The following KALRN variants were observed in gnomAD, a reference collection of about 807,000 sequenced individuals.
KALRN encodes the protein kalirin RhoGEF kinase, also known as kalirin.
Under a neutral mutation model 353.7 loss-of-function variants are expected in KALRN, and 70 were observed. That is an observed-to-expected ratio of 0.20 (90% CI 0.16 to 0.24). The LOEUF (loss-of-function observed/expected upper bound fraction) is 0.24. Among genes scored for constraint, KALRN ranks in the 10% least tolerant of loss-of-function variants. The pLI is 1.00. For missense variants in KALRN, 2,791 were observed against 3,756.7 expected, an observed-to-expected ratio of 0.74 and a Z score of 6.72; for synonymous variants, 1,391 against 1,434.8, an observed-to-expected ratio of 0.97 and a Z score of 0.69.
chr3:124,342,050 G>C (rs888695136), intron 9 of KALRN, among the ~76,000 whole-genome samples: 2 of 152,048 alleles, frequency 1.3e-5, no homozygotes, highest in African/African-American at 4.8e-5. Flanking sequence ...CAGGTATAGG[G>C]GACTTAGTGT....
intron 7 of KALRN, among the ~76,000 whole-genome samples, chr3:124,327,992 T>C (rs2080096191): frequency 6.6e-6 from 1 of 152,224 alleles, no homozygotes; most frequent in African/African-American, 2.4e-5. Context: ...GTGCTAAAGA[T>C]ACAACACGAG....
chr3:124,712,794 A>G lies in KALRN; in HGVS notation c.8076-141A>G, dbSNP rs1378123685. 7.2e-6 allele frequency: 4 copies of G among 554,338 alleles called. No homozygotes were observed. In the South Asian group the frequency reaches 9.0e-5, roughly 13 times the overall value. 34.3% of individuals were successfully genotyped at this position (554,338 alleles called of 1,614,324 possible). On this transcript the variant is annotated intron_variant, in intron 57 of 59. Coordinates refer to ENST00000682506, the MANE Select transcript of KALRN (RefSeq NM_001388419.1). ...GAAGGAAAAATGGATTCTCTGAATA[A>G]CATTATAATTAAAAATATAGGAGAG... is the stretch of plus-strand genomic sequence containing the variant.
chr3:124,677,267 T>C (rs1339519355), intron 49 of KALRN: 1 of 182,614 alleles, frequency 5.5e-6, no homozygotes, highest in Non-Finnish European at 1.1e-5. Context: ...CACCTGAAAC[T>C]GATGATGCCT....
chr3:124,389,983 C>T (rs555549600), intron 11 of KALRN, among the ~76,000 whole-genome samples: 1 of 152,302 alleles, frequency 6.6e-6, no homozygotes, highest in East Asian at 1.9e-4. Flanking sequence ...CAAACATGTA[C>T]TTGGGACTTT....
chr3:124,114,057 A>T (rs1167744067), intron 1 of KALRN, among the ~76,000 whole-genome samples: 1 of 152,180 alleles, frequency 6.6e-6, no homozygotes, highest in Non-Finnish European at 1.5e-5. Context: ...GAAAGGTAAG[A>T]GAAAGGGTTA....
At chr3:124,135,220 T>A (rs1439980705) in intron 1 of KALRN, among the ~76,000 whole-genome samples, 1 of 152,152 alleles carries the variant, frequency 6.6e-6, no homozygotes, top group Non-Finnish European at 1.5e-5. Flanking sequence ...ATTAACAGCA[T>A]TTGCAATGAC....
At chr3:124,488,135 G>T in intron 28 of KALRN, 69 bp from the exon 29 acceptor site, 1 of 898,546 alleles carries the variant, frequency 1.1e-6, no homozygotes, top group Non-Finnish European at 1.8e-6. Context: ...TAATTTCCTT[G>T]CTGGGTTAGG....
At chr3:124,357,603 C>G (rs561943707) in intron 10 of KALRN, among the ~76,000 whole-genome samples, 4 of 152,314 alleles carry the variant, frequency 2.6e-5, no homozygotes, top group African/African-American at 9.6e-5. Flanking sequence ...AACTGACCAG[C>G]TCCTATCACC....
intron 34 of KALRN, among the ~76,000 whole-genome samples, chr3:124,580,385 A>G (rs2074512828): frequency 6.8e-6 from 1 of 147,874 alleles, no homozygotes; most frequent in African/African-American, 2.5e-5. Context: ...GGGAGGGGGG[A>G]CTCAGGCAGC....
At chr3:124,579,626 T>G (rs2149243048) in intron 34 of KALRN, among the ~76,000 whole-genome samples, 1 of 152,274 alleles carries the variant, frequency 6.6e-6, no homozygotes, top group South Asian at 2.1e-4. Context: ...CCTCTCTAGC[T>G]ATTCAAATGA....
chr3:124,677,895 T>C (rs1010245650), intron 49 of KALRN, among the ~76,000 whole-genome samples: 6 of 152,248 alleles, frequency 3.9e-5, no homozygotes, highest in Non-Finnish European at 7.3e-5. Context: ...ATCATGGGTA[T>C]GGTATACAAA....
chr3:124,656,555 G>A (rs1025388268), intron 39 of KALRN, among the ~76,000 whole-genome samples: 2 of 152,190 alleles, frequency 1.3e-5, no homozygotes, highest in Admixed American at 1.3e-4. Flanking sequence ...AGCTTGCAGT[G>A]AGCTGAGATC....
In KALRN at chr3:124,434,506, T is replaced by C. The variant is rs1456728329; in HGVS notation, c.3029T>C (p.Phe1010Ser). The change falls in exon 17 of 60, where the codon TTT (phenylalanine) becomes TCT (serine). Residue 1010 changes from phenylalanine to serine, a missense_variant. Phe to Ser is a radical substitution (Grantham distance 155). Around this residue, in one of 11 missense-constraint regions of KALRN, gnomAD observed 452 missense variants for 575.8 expected, o/e 0.78. Coordinates refer to ENST00000682506, the MANE Select transcript of KALRN (RefSeq NM_001388419.1). The stretch of plus-strand genomic sequence containing the variant: ...AAATTGGTCAATGCCTCTGTGGCCT[T>C]TTACAAAACTTCTGAACAGGTGAGG... ...RLKLVNASVA[F>S]YKTSEQVCSV... The C allele has an allele frequency of 6.2e-7, 1 of 1,614,080 alleles. No homozygotes were observed. Among genetic ancestry groups the C allele is most frequent in the Non-Finnish European group, 8.5e-7 (1 of 1,180,018 alleles).
intron 53 of KALRN, among the ~76,000 whole-genome samples, chr3:124,695,547 G>A (rs1022399175): frequency 5.9e-5 from 9 of 152,202 alleles, no homozygotes; most frequent in African/African-American, 2.2e-4. Context: ...GGAAGGGGCA[G>A]AGCTGACTGT....
chr3:124,352,055 T>C (rs1272414555), intron 10 of KALRN, among the ~76,000 whole-genome samples: 10 of 152,208 alleles, frequency 6.6e-5, no homozygotes. Context: ...CGTGCTCAAA[T>C]AGAAGTCCCG....
At chr3:124,577,227 A>G (rs2074202749) in intron 34 of KALRN, among the ~76,000 whole-genome samples, 2 of 149,590 alleles carry the variant, frequency 1.3e-5, no homozygotes, top group South Asian at 4.2e-4. Context: ...AAAAAAAAAG[A>G]GGGTGGCTGC....
At chr3:124,377,531 T>A (rs1227579150) in intron 10 of KALRN, among the ~76,000 whole-genome samples, 3 of 149,104 alleles carry the variant, frequency 2.0e-5, no homozygotes, top group Admixed American at 1.4e-4. Flanking sequence ...GCTGTTGGGG[T>A]GGGGGTGGAG....
At chr3:124,472,128 G>A (rs956882647) in intron 25 of KALRN, among the ~76,000 whole-genome samples, 5 of 152,020 alleles carry the variant, frequency 3.3e-5, no homozygotes, top group Non-Finnish European at 7.4e-5. Context: ...CAAAAGTCAG[G>A]GTGTTGCTCT....
chr3:124,418,731 T>C (rs2092633638), intron 14 of KALRN, among the ~76,000 whole-genome samples: 1 of 152,222 alleles, frequency 6.6e-6, no homozygotes, highest in African/African-American at 2.4e-5. Flanking sequence ...CTGTGGCTTT[T>C]AGCCCTAAAG....
Sources: gnomAD v4.1 joint callset for allele counts (sites outside exome capture counted in the v4.1 genomes callset) on GRCh38, gnomAD v4.1.1 for gene constraint, gnomAD v4.1.1 regional missense constraint, MANE v1.5 for transcripts, NCBI Gene and HGNC (gene_info 2026-07-23, HGNC 2026-07-21) for gene names.